The following USH1C variants were observed in gnomAD, a reference collection of about 807,000 sequenced individuals.
The protein encoded by USH1C is harmonin.
Under a neutral mutation model 119.3 loss-of-function variants are expected in USH1C, and 90 were observed. The observed-to-expected ratio is 0.75, with a 90% CI of 0.64 to 0.90. The LOEUF (loss-of-function observed/expected upper bound fraction) is 0.90. Ranked by LOEUF, USH1C falls within the 40% of genes least tolerant of loss-of-function variation. USH1C has a pLI of 0.00. For synonymous variants in USH1C, 465 were observed against 443.3 expected (o/e 1.05, Z -0.62); for missense variants, 1,165 against 1,167.7 (o/e 1.00, Z 0.03).
At chr11:17,502,117 G>A (rs569282178) in intron 20 of USH1C, 137 bp from the exon 21 acceptor site, 6 of 825,256 alleles carry the variant, frequency 7.3e-6, no homozygotes, top group East Asian at 2.7e-5. Flanking sequence ...GCCAGGGTAC[G>A]GGATGCAGAC....
At chr11:17,501,030 G>T in intron 23 of USH1C, 21 bp downstream of exon 23, 1 of 1,604,522 alleles carries the variant, frequency 6.2e-7, no homozygotes, top group Non-Finnish European at 8.5e-7. Context: ...CCAAACCTGG[G>T]TGTGGCTAGT....
chr11:17,510,595 G>T, intron 16 of USH1C, 74 bp from the exon 17 acceptor site: 1 of 1,122,254 alleles, frequency 8.9e-7, no homozygotes, highest in Non-Finnish European at 1.4e-6. Context: ...GAAATAGCAT[G>T]AAAGCACTCC....
At position 17,531,162 on chromosome 11, in the gene USH1C, C is replaced by T. The variant is rs768207716; in HGVS notation, c.379G>A (p.Gly127Arg). 1.5e-5 allele frequency: 25 copies of T among 1,614,064 alleles called. No homozygotes were observed. Among genetic ancestry groups the T allele is most frequent in the East Asian group, 4.5e-5 (2 of 44,868 alleles). The change falls in exon 4 of 27, where the codon GGG becomes AGG. Residue 127 changes from glycine (G) to arginine (R), a missense_variant. Physicochemically the swap from Gly to Arg is moderately radical, Grantham distance 125. Coordinates refer to ENST00000005226, the MANE Select transcript of USH1C (RefSeq NM_153676.4). This position sits in a 1 kb window ranked among gnomAD's most constrained non-coding sequence, Gnocchi z 4.2. ...GGACTCTGTTTGCTCACCTGGAGCCCGACGCTGTCTGCCTGACCGCCTTTG... is the reference window on the plus strand; with the variant it reads ...GGACTCTGTTTGCTCACCTGGAGCCTGACGCTGTCTGCCTGACCGCCTTTG... ...LIKGGQADSV[G>R]LQVGDEIVRI...
At position 17,527,009 on chromosome 11, in the gene USH1C, C is replaced by A. The variant is rs1205662320; in HGVS notation, c.521+7G>T. On this transcript the variant is annotated splice_region_variant and intron_variant, in intron 6 of 26. Transcript: ENST00000005226. ...AAGAGTTGGCCTGCAGAGGAGGGGC[C>A]TCTCACCTTTTCACGGGGATCAGGC... 2 of 1,563,924 alleles carry A rather than the reference C, an allele frequency of 1.3e-6. No homozygotes were observed. Among genetic ancestry groups the A allele is most frequent in the Non-Finnish European group, 8.7e-7 (1 of 1,153,198 alleles).
intron 1 of USH1C, among the ~76,000 whole-genome samples, chr11:17,541,657 A>G (rs967144343): frequency 1.3e-5 from 2 of 152,204 alleles, no homozygotes; most frequent in African/African-American, 4.8e-5. Context: ...GCTCCCCCAC[A>G]TCCTGGCCCA....
In USH1C at chr11:17,498,215, A is replaced by C. The variant is rs1849309216; in HGVS notation, c.2437T>G (p.Tyr813Asp). 6 of 1,614,170 alleles carry C rather than the reference A, an allele frequency of 3.7e-6. No individual in the cohort carries two copies. The East Asian group carries it at 1.3e-4, about 36-fold the overall frequency. ...MAINGKIVTDYTLAEAEAALQ... is the reference protein window; with the variant it reads ...MAINGKIVTDDTLAEAEAALQ... ...GCAGCCTCAGCCTCAGCCAGGGTGT[A>C]GTCTGTCACAATCTTGCCGTTGATT... Residue 813 changes from tyrosine (Y) to aspartate (D), a missense_variant, in exon 24 of 27, where the codon TAC becomes GAC. Coordinates refer to ENST00000005226, the MANE Select transcript of USH1C (RefSeq NM_153676.4).
At chr11:17,495,720 T>G in intron 25 of USH1C, 43 bp from the exon 26 acceptor site, 1 of 1,603,724 alleles carries the variant, frequency 6.2e-7, no homozygotes, top group Non-Finnish European at 8.5e-7. Flanking sequence ...ACAGGCTTGG[T>G]TACTCCCAGG....
intron 25 of USH1C, among the ~76,000 whole-genome samples, chr11:17,496,389 A>G (rs1849250189): frequency 6.6e-6 from 1 of 152,204 alleles, no homozygotes; most frequent in Non-Finnish European, 1.5e-5. Flanking sequence ...CCTTCCAGAG[A>G]GTGAAGGATG....
chr11:17,494,530 G>A, intron 26 of USH1C, 154 bp from the exon 27 acceptor site: 1 of 805,402 alleles, frequency 1.2e-6, no homozygotes, highest in East Asian at 2.7e-5. Context: ...GCCCCAAGTG[G>A]CTACACACCA....
intron 26 of USH1C, chr11:17,494,632 G>T: frequency 1.7e-6 from 1 of 578,982 alleles, no homozygotes; most frequent in Non-Finnish European, 3.1e-6. Flanking sequence ...AGGGGCAAGA[G>T]TCCTTTGCAA....
chr11:17,536,366 T>C, intron 1 of USH1C, among the ~76,000 whole-genome samples: 1 of 152,330 alleles, frequency 6.6e-6, no homozygotes, highest in South Asian at 2.1e-4. Flanking sequence ...TGAGGAACTG[T>C]CCTCCTTAGA....
rs548602476 is a variant in USH1C, at chr11:17,540,414, C to T, written c.36+3858G>A. On this transcript the variant is annotated intron_variant, in intron 1 of 26. Transcript: ENST00000005226. ...TTCTCCTCCAAAAGTTGAGGTACCC[C>T]GGGCTCTGTCCTAGGTCTCCTCTCC... Among the ~76,000 whole-genome samples, 6 of 152,112 alleles carry T rather than the reference C, an allele frequency of 3.9e-5. No individual in the cohort carries two copies. The East Asian group carries it at 7.7e-4, about 20-fold the overall frequency.
chr11:17,497,077 C>T (rs1159082135), intron 24 of USH1C, among the ~76,000 whole-genome samples: 1 of 152,206 alleles, frequency 6.6e-6, no homozygotes, highest in Non-Finnish European at 1.5e-5. Flanking sequence ...CGGGGACAGG[C>T]AGCAACCTCA....
chr11:17,521,877 G>A (rs1223019491), intron 12 of USH1C, among the ~76,000 whole-genome samples: 1 of 152,176 alleles, frequency 6.6e-6, no homozygotes, highest in East Asian at 1.9e-4. Flanking sequence ...TTTGCACCCA[G>A]GAGTTCAGTG....
intron 18 of USH1C, among the ~76,000 whole-genome samples, chr11:17,507,706 TC>T: frequency 6.6e-6 from 1 of 152,212 alleles, no homozygotes; most frequent in East Asian, 1.9e-4. Flanking sequence ...TAGCATGTGT[TC>T]AGTTACCTAG....
chr11:17,516,263 C>T lies in USH1C; in HGVS notation c.1238G>A (p.Gly413Asp). 1 of 1,613,414 alleles carries T rather than the reference C, an allele frequency of 6.2e-7. No homozygotes were observed. The highest frequency in any genetic ancestry group is 8.5e-7 in the Non-Finnish European group (1 of 1,179,810). Reference sequence around the variant, plus strand: ...TACCTTCCGGATGGTTGGGAATTTGCCATCGTAACGATAAAACCATCCAAA... The same window carrying T: ...TACCTTCCGGATGGTTGGGAATTTGTCATCGTAACGATAAAACCATCCAAA... ...KSFGWFYRYD[G>D]KFPTIRKKGK... is the part of the protein sequence containing the mutation. The change falls in exon 15 of 27, where the codon GGC becomes GAC. Residue 413 changes from glycine (G) to aspartate (D), a missense_variant. Physicochemically the swap from Gly to Asp is moderately conservative, Grantham distance 94 (BLOSUM62 -1). Coordinates refer to ENST00000005226, the MANE Select transcript of USH1C (RefSeq NM_153676.4).
chr11:17,511,699 A>G (rs190530000), intron 16 of USH1C, among the ~76,000 whole-genome samples: 117 of 152,322 alleles, frequency 7.7e-4, no homozygotes, highest in African/African-American at 2.7e-3. Context: ...GATTAGTTTC[A>G]ATTCCTAAGC....
intron 21 of USH1C, 135 bp downstream of exon 21, chr11:17,501,804 C>T: frequency 1.9e-6 from 2 of 1,050,552 alleles, no homozygotes; most frequent in Non-Finnish European, 2.9e-6. Flanking sequence ...GCAGCTGGGG[C>T]ATCACTGGGG....
rs143734210 is a variant in USH1C, at chr11:17,526,722, C to G, written c.579+31G>C. The G allele has an allele frequency of 7.1e-4, 1,138 of 1,611,542 alleles. 21 individuals are homozygous for G. In the South Asian group the frequency reaches 9.8e-3, roughly 14 times the overall value. Reference sequence around the variant, plus strand: ...ACCCCTCCTTGAAGATGACCCCACCCAAACCCCATCACAGGAGGTCTGGCC... The same window carrying G: ...ACCCCTCCTTGAAGATGACCCCACCGAAACCCCATCACAGGAGGTCTGGCC... On this transcript the variant is annotated intron_variant, in intron 7 of 26. Coordinates refer to ENST00000005226, the MANE Select transcript of USH1C (RefSeq NM_153676.4).
Sources: allele counts gnomAD v4.1 joint callset (sites outside exome capture counted in the v4.1 genomes callset), GRCh38; gene constraint gnomAD v4.1.1; non-coding constraint Gnocchi (gnomAD v3.1); transcripts MANE v1.5; gene names NCBI Gene and HGNC (gene_info 2026-07-23, HGNC 2026-07-21).